Variants in ALDOB observed in about 807,000 individuals in gnomAD.
ALDOB encodes aldolase, fructose-bisphosphate B.
Under a neutral mutation model 41.0 loss-of-function variants are expected in ALDOB, and 39 were observed. The ratio of observed to expected loss-of-function variants is 0.95; its 90% CI spans 0.74 to 1.24. The LOEUF (loss-of-function observed/expected upper bound fraction) is 1.24, where lower values mean the gene tolerates loss of function less well. Among genes scored for constraint, ALDOB ranks in the 50% most tolerant of loss-of-function variants. The pLI is 0.00. For synonymous variants in ALDOB, 175 were observed against 168.8 expected, an observed-to-expected ratio of 1.04 and a Z score of -0.28; for missense variants, 530 against 457.3, an observed-to-expected ratio of 1.16 and a Z score of -1.45.
At chr9:101,424,423 C>T (rs1446197656) in intron 8 of ALDOB, among the ~76,000 whole-genome samples, 1 of 88,080 alleles carries the variant, frequency 1.1e-5, no homozygotes, top group East Asian at 2.2e-4. Flanking sequence ...CATCTCAAAA[C>T]AAACAAACAA....
chr9:101,432,829 A>T (rs1198693117), intron 1 of ALDOB, among the ~76,000 whole-genome samples: 1 of 152,186 alleles, frequency 6.6e-6, no homozygotes, highest in Non-Finnish European at 1.5e-5. Flanking sequence ...GATGAAAAAA[A>T]TGGCCTTTGG....
intron 2 of ALDOB, 115 bp downstream of exon 2, chr9:101,430,661 C>G: frequency 2.5e-6 from 2 of 809,650 alleles, no homozygotes; most frequent in Non-Finnish European, 4.1e-6. Flanking sequence ...CTTCTGCTCC[C>G]ACTCCCGTGT....
At chr9:101,431,751 G>C (rs1405529168) in intron 1 of ALDOB, among the ~76,000 whole-genome samples, 1 of 152,208 alleles carries the variant, frequency 6.6e-6, no homozygotes, top group East Asian at 1.9e-4. Flanking sequence ...GTTACAAAGA[G>C]TGCTTTTTGC....
In ALDOB at chr9:101,432,095, C is replaced by T. The variant is rs548281887; in HGVS notation, c.-10-1198G>A. Among the ~76,000 whole-genome samples the T allele has an allele frequency of 1.1e-4, 16 of 152,306 alleles. No homozygotes were observed. In the East Asian group the frequency reaches 3.1e-3, roughly 29 times the overall value. On this transcript the variant is annotated intron_variant, in intron 1 of 8. Transcript: ENST00000647789. ...TGTCCTCATGACAAATATATTTCTC[C>T]ACATTTTCTGCATCCCTTCAGGGTA... is the stretch of plus-strand genomic sequence containing the variant.
intron 1 of ALDOB, among the ~76,000 whole-genome samples, chr9:101,433,426 A>T (rs1409179154): frequency 6.6e-6 from 1 of 152,176 alleles, no homozygotes; most frequent in Non-Finnish European, 1.5e-5. Context: ...CCTCTCTGTT[A>T]ATCATAAAAC....
intron 6 of ALDOB, among the ~76,000 whole-genome samples, chr9:101,426,261 T>C (rs958575218): frequency 6.6e-6 from 1 of 152,194 alleles, no homozygotes; most frequent in Non-Finnish European, 1.5e-5. Context: ...AATTTCTTTG[T>C]GTACATGTAA....
chr9:101,431,345 G>C (rs1296346056), intron 1 of ALDOB, among the ~76,000 whole-genome samples: 1 of 152,186 alleles, frequency 6.6e-6, no homozygotes, highest in African/African-American at 2.4e-5. Context: ...TTAGTCTGTA[G>C]TTCCAACAGA....
At chr9:101,426,492 A>G in intron 6 of ALDOB, 63 bp downstream of exon 6, 2 of 1,009,138 alleles carry the variant, frequency 2.0e-6, no homozygotes, top group Non-Finnish European at 3.2e-6. Context: ...ATGTTAAGTA[A>G]CAGCTGTTAC....
At position 101,429,975 on chromosome 9, in the gene ALDOB, G is replaced by A. The variant is rs1831193811; in HGVS notation, c.113-9C>T. The A allele has an allele frequency of 2.5e-6, 4 of 1,613,128 alleles. No homozygotes were observed. Among genetic ancestry groups the A allele is most frequent in the Admixed American group, 1.7e-5 (1 of 60,012 alleles). ...GCGGTTCCCCATGGTACCTATGGTG[G>A]GAGGGCCAAGGGCAGCATAAGGAGC... On this transcript the variant is annotated splice_polypyrimidine_tract_variant and intron_variant, in intron 2 of 8. Transcript: ENST00000647789.
At chr9:101,425,405 A>G (rs1258106092) in intron 7 of ALDOB, 48 bp downstream of exon 7, 2 of 1,605,988 alleles carry the variant, frequency 1.2e-6, no homozygotes, top group Non-Finnish European at 1.7e-6. Flanking sequence ...GTGGCTCTCC[A>G]AAGAATGAGG....
Position 101,421,542 on chromosome 9 carries a change from T to C in ALDOB, c.*267A>G. On this transcript the variant is annotated 3_prime_UTR_variant, in exon 9 of 9. Coordinates refer to ENST00000647789, the MANE Select transcript of ALDOB (RefSeq NM_000035.4). ...GGAGCCGATATTGTTTTAAAGCCTA[T>C]TATTTTCTTGGGTGGGTATTCTGGA... 1 of 508,260 alleles carries C rather than the reference T, an allele frequency of 2.0e-6. No individual in the cohort carries two copies. Among genetic ancestry groups the C allele is most frequent in the Non-Finnish European group, 3.6e-6 (1 of 279,516 alleles). The allele number at this position is 508,260 out of a possible 1,614,324, so 31.5% of individuals were successfully genotyped here. A position where few individuals can be genotyped will look rare whatever the true frequency, so the allele number is the denominator to read the frequency against.
chr9:101,432,920 A>G (rs1315921455), intron 1 of ALDOB, among the ~76,000 whole-genome samples: 1 of 152,224 alleles, frequency 6.6e-6, no homozygotes, highest in East Asian at 1.9e-4. Context: ...TTATTCATAA[A>G]CATCTGACAC....
At chr9:101,431,559 A>G (rs552980000) in intron 1 of ALDOB, among the ~76,000 whole-genome samples, 12 of 152,242 alleles carry the variant, frequency 7.9e-5, no homozygotes, top group Non-Finnish European at 1.8e-4. Context: ...TGAGGATGCT[A>G]AAGTTGTATG....
At chr9:101,428,635 T>A in intron 3 of ALDOB, 112 bp from the exon 4 acceptor site, 1 of 951,798 alleles carries the variant, frequency 1.1e-6, no homozygotes, top group Non-Finnish European at 1.7e-6. Context: ...ATTAGTAAAG[T>A]GTATTAGTGC....
rs749015627 is a variant in ALDOB, at chr9:101,425,019, T to C, written c.823A>G (p.Met275Val). Residue 275 changes from methionine to valine, a missense_variant, in exon 8 of 9, where the codon ATG (methionine) becomes GTG (valine). Coordinates refer to ENST00000647789, the MANE Select transcript of ALDOB (RefSeq NM_000035.4). ...VPGICFLSGG[M>V]SEEDATLNLN... ...TTGAGAGTGGCATCCTCTTCACTCA[T>C]GCCACCAGACAAAAAGCAGATGCCT... 11 of 1,614,078 alleles carry C rather than the reference T, an allele frequency of 6.8e-6. No homozygotes were observed. The highest frequency in any genetic ancestry group is 9.3e-6 in the Non-Finnish European group (11 of 1,180,044).
rs754731873 is a variant in ALDOB, at chr9:101,421,151, G to A, written c.*658C>T. 3.3e-5 allele frequency: 5 copies of A among 152,932 alleles called. No individual in the cohort carries two copies. The highest frequency in any genetic ancestry group is 7.3e-5 in the Non-Finnish European group (5 of 68,574). 9.5% of individuals were successfully genotyped at this position (152,932 alleles called of 1,614,324 possible). ...ATTGGAATTACTGAGGGAGCTTTAA[G>A]AAATCTAATAGTTAGAGGATCCCAA... On this transcript the variant is annotated 3_prime_UTR_variant, in exon 9 of 9. Transcript: ENST00000647789.
chr9:101,427,715 A>G, intron 4 of ALDOB, 73 bp from the exon 5 acceptor site: 1 of 1,569,320 alleles, frequency 6.4e-7, no homozygotes, highest in Middle Eastern at 1.7e-4. Flanking sequence ...AATAAAGGGA[A>G]GGAGTTCTCC....
At chr9:101,432,954 G>A (rs1013552234) in intron 1 of ALDOB, among the ~76,000 whole-genome samples, 3 of 152,174 alleles carry the variant, frequency 2.0e-5, no homozygotes, top group African/African-American at 7.2e-5. Context: ...TTTGCTGCTA[G>A]CAGATCAGAC....
intron 1 of ALDOB, among the ~76,000 whole-genome samples, chr9:101,433,943 T>TA (rs1564079848): frequency 1.3e-5 from 2 of 151,780 alleles, no homozygotes; most frequent in African/African-American, 2.4e-5. Context: ...TATTTTTTTT[T>TA]TTATTTTTGG....
Sources: gnomAD v4.1 joint callset for allele counts (sites outside exome capture counted in the v4.1 genomes callset) on GRCh38, gnomAD v4.1.1 for gene constraint, MANE v1.5 for transcripts, NCBI Gene and HGNC (gene_info 2026-07-23, HGNC 2026-07-21) for gene names.